Variants in EPHA7 observed in about 807,000 individuals in gnomAD.
EPHA7 encodes the protein ephrin type-A receptor 7.
A neutral mutation model predicts 112.6 loss-of-function variants in EPHA7; 25 were observed. The observed-to-expected ratio is 0.22, with a 90% confidence interval of 0.16 to 0.31. The LOEUF (loss-of-function observed/expected upper bound fraction) is 0.31. Among genes scored for constraint, EPHA7 ranks in the 10% least tolerant of loss-of-function variants. The pLI, the probability that EPHA7 is intolerant of heterozygous loss-of-function variation, is 1.00. For missense variants in EPHA7, 962 were observed against 1,212.6 expected (o/e 0.79, Z 3.07); for synonymous variants, 437 against 406.5 (o/e 1.07, Z -0.90).
chr6:93,314,212 T>C (rs1773680807), intron 5 of EPHA7, among the ~76,000 whole-genome samples: 1 of 152,180 alleles, frequency 6.6e-6, no homozygotes, highest in Non-Finnish European at 1.5e-5. Flanking sequence ...AGTTTCAGTT[T>C]GGCTAAACTG....
chr6:93,315,711 T>C (rs1206823994), intron 5 of EPHA7, among the ~76,000 whole-genome samples: 3 of 152,232 alleles, frequency 2.0e-5, no homozygotes, highest in Non-Finnish European at 4.4e-5. Flanking sequence ...ATTCACTCTC[T>C]GCTGATCTTT....
At chr6:93,276,166 T>C (rs2127888802) in intron 5 of EPHA7, among the ~76,000 whole-genome samples, 2 of 152,078 alleles carry the variant, frequency 1.3e-5, no homozygotes, top group East Asian at 3.9e-4. Flanking sequence ...TTACAGACGT[T>C]AAAATAAAGA....
intron 4 of EPHA7, 114 bp downstream of exon 4, chr6:93,358,135 TTTTAATA>T (rs1776049754): frequency 9.9e-6 from 7 of 707,198 alleles, no homozygotes; most frequent in Non-Finnish European, 1.4e-5. Context: ...TTTAAAATAA[TTTTAATA>T]TTTAAGTATA....
At chr6:93,246,429 C>T (rs1007364434) in intron 15 of EPHA7, among the ~76,000 whole-genome samples, 1 of 151,942 alleles carries the variant, frequency 6.6e-6, no homozygotes, top group South Asian at 2.1e-4. Flanking sequence ...AGATACTATG[C>T]ATATAACAAA....
chr6:93,390,569 CA>C (rs200332323), intron 3 of EPHA7, among the ~76,000 whole-genome samples: 16,810 of 85,680 alleles, frequency 0.2, 943 homozygotes, highest in East Asian at 0.39. Flanking sequence ...TCAGCCAGGA[CA>C]AAAAAAAAAA....
chr6:93,416,257 AAC>A (rs1779218266), intron 1 of EPHA7, among the ~76,000 whole-genome samples: 1 of 152,194 alleles, frequency 6.6e-6, no homozygotes, highest in Non-Finnish European at 1.5e-5. Flanking sequence ...TATCCTCAAC[AAC>A]AGACATGAAG....
In EPHA7 at chr6:93,240,226, A is replaced by C. The variant is rs1769633075; in HGVS notation, c.*3200T>G. 4.5e-6 allele frequency: 1 copy of C among 223,964 alleles called. No individual in the cohort carries two copies. The highest frequency in any genetic ancestry group is 8.9e-6 in the Non-Finnish European group (1 of 112,400). 13.9% of individuals were successfully genotyped at this position (223,964 alleles called of 1,614,324 possible). A position where few individuals can be genotyped will look rare whatever the true frequency, so the allele number is the denominator to read the frequency against. On this transcript the variant is annotated 3_prime_UTR_variant, in exon 17 of 17. Coordinates refer to ENST00000369303, the MANE Select transcript of EPHA7 (RefSeq NM_004440.4). ...CCAACGAAAAGCACATCTCGCCCCG[A>C]GTTCCCCATGATTTCTCCACATATA...
At chr6:93,370,730 T>TG (rs1181353985) in intron 3 of EPHA7, among the ~76,000 whole-genome samples, 1 of 152,100 alleles carries the variant, frequency 6.6e-6, no homozygotes, top group African/African-American at 2.4e-5. Context: ...TTATGACCTA[T>TG]GGAGGGGCAC....
rs1322961152 is a variant in EPHA7, at chr6:93,243,077, G to T, written c.*349C>A. 4.3e-6 allele frequency: 1 copy of T among 234,710 alleles called. No individual in the cohort carries two copies. The highest frequency in any genetic ancestry group is 8.4e-6 in the Non-Finnish European group (1 of 119,500). 14.5% of individuals were successfully genotyped at this position (234,710 alleles called of 1,614,324 possible). On this transcript the variant is annotated 3_prime_UTR_variant, in exon 17 of 17. Transcript: ENST00000369303. ...TCATTAATTTTAACAATAAGATCAT[G>T]ATTTTATTTGACAAATATATTCTTT...
At chr6:93,312,786 A>G (rs966700708) in intron 5 of EPHA7, among the ~76,000 whole-genome samples, 2 of 152,104 alleles carry the variant, frequency 1.3e-5, no homozygotes, top group African/African-American at 4.8e-5. Flanking sequence ...AAAGTGAGAG[A>G]CCTGCAGCTC....
chr6:93,330,946 C>A (rs1386007962), intron 5 of EPHA7, among the ~76,000 whole-genome samples: 1 of 151,374 alleles, frequency 6.6e-6, no homozygotes, highest in Non-Finnish European at 1.5e-5. Context: ...TAGGACTTTG[C>A]TGTATGGAGA....
At chr6:93,386,020 G>T (rs935814389) in intron 3 of EPHA7, among the ~76,000 whole-genome samples, 1 of 152,092 alleles carries the variant, frequency 6.6e-6, no homozygotes, top group Non-Finnish European at 1.5e-5. Flanking sequence ...GAGGGGGACT[G>T]CTCCCAACAC....
chr6:93,315,105 G>A lies in EPHA7; in HGVS notation c.1324+41612C>T, dbSNP rs554900148. Among the ~76,000 whole-genome samples, 131 of 149,754 alleles carry A rather than the reference G, an allele frequency of 8.7e-4. 2 individuals are homozygous for A. The highest frequency in any genetic ancestry group is 2.8e-3 in the African/African-American group (113 of 39,856). ...TCTCGATCTCCTGACCTCGTGATCCGCCCGCCTCGGCCTCCCAAAGTGCTG... is the reference window on the plus strand; with the variant it reads ...TCTCGATCTCCTGACCTCGTGATCCACCCGCCTCGGCCTCCCAAAGTGCTG... On this transcript the variant is annotated intron_variant, in intron 5 of 16. Coordinates refer to ENST00000369303, the MANE Select transcript of EPHA7 (RefSeq NM_004440.4).
At position 93,240,714 on chromosome 6, in the gene EPHA7, C is replaced by A. The variant is rs971748832; in HGVS notation, c.*2712G>T. The A allele has an allele frequency of 1.9e-5, 4 of 213,766 alleles. No individual in the cohort carries two copies. The highest frequency in any genetic ancestry group is 2.8e-5 in the Non-Finnish European group (3 of 105,848). 13.2% of individuals were successfully genotyped at this position (213,766 alleles called of 1,614,324 possible). A position where few individuals can be genotyped will look rare whatever the true frequency, so the allele number is the denominator to read the frequency against. ...GAATTCTATTTTTGACGTTCACTTT[C>A]TCTACTTTTCCTCCCCTGAGCACTA... On this transcript the variant is annotated 3_prime_UTR_variant, in exon 17 of 17. Coordinates refer to ENST00000369303, the MANE Select transcript of EPHA7 (RefSeq NM_004440.4).
intron 5 of EPHA7, among the ~76,000 whole-genome samples, chr6:93,325,888 G>A (rs1172702593): frequency 6.6e-6 from 1 of 151,226 alleles, no homozygotes; most frequent in African/African-American, 2.4e-5. Flanking sequence ...TCAAACACAG[G>A]ATATTAAATA....
At chr6:93,259,290 T>C in intron 10 of EPHA7, 64 bp downstream of exon 10, 1 of 1,592,426 alleles carries the variant, frequency 6.3e-7, no homozygotes, top group Non-Finnish European at 8.6e-7. Flanking sequence ...CCTGTCATTA[T>C]GATGTATGAC....
chr6:93,338,733 A>C (rs1774995998), intron 5 of EPHA7, among the ~76,000 whole-genome samples: 1 of 151,738 alleles, frequency 6.6e-6, no homozygotes, highest in African/African-American at 2.4e-5. Context: ...GATCTTTAGA[A>C]TCTTTTCAAT....
In EPHA7 at chr6:93,242,789, AC is replaced by A. The variant is rs1345303321; in HGVS notation, c.*636del. 2 of 207,138 alleles carry A rather than the reference AC, an allele frequency of 9.7e-6. No homozygotes were observed. The highest frequency in any genetic ancestry group is 4.5e-5 in the African/African-American group (2 of 43,978). 12.8% of individuals were successfully genotyped at this position (207,138 alleles called of 1,614,324 possible). ...TTCTTGACTACCTGCCAATTAGCAA[AC>A]AATATCAAAACAGCACTGATTAAAC... On this transcript the variant is annotated 3_prime_UTR_variant, in exon 17 of 17. Coordinates refer to ENST00000369303, the MANE Select transcript of EPHA7 (RefSeq NM_004440.4).
intron 4 of EPHA7, among the ~76,000 whole-genome samples, chr6:93,357,706 T>C (rs1217031598): frequency 2.0e-5 from 3 of 150,380 alleles, no homozygotes; most frequent in African/African-American, 7.4e-5. Flanking sequence ...CAAGCTGGAG[T>C]GTAGTGGCAC....
Sources: gnomAD v4.1 joint callset for allele counts (sites outside exome capture counted in the v4.1 genomes callset) on GRCh38, gnomAD v4.1.1 for gene constraint, MANE v1.5 for transcripts, NCBI Gene and HGNC (gene_info 2026-07-23, HGNC 2026-07-21) for gene names.